The following PROM2 variants were observed in gnomAD, a reference collection of about 807,000 sequenced individuals.
PROM2 encodes prominin-2.
PROM2 carries 90 observed loss-of-function variants against 110.2 expected under a neutral mutation model. That is an observed-to-expected ratio of 0.82 (90% CI 0.69 to 0.97). The LOEUF (loss-of-function observed/expected upper bound fraction) is 0.97, where lower values mean the gene tolerates loss of function less well. PROM2 is among the 50% of genes least tolerant of loss of function. The probability of loss-of-function intolerance (pLI) is 0.00; values close to 1 mark genes in which losing one functional copy is unlikely to be tolerated. For synonymous variants in PROM2, 470 were observed against 467.8 expected (o/e 1.00, Z -0.06); for missense variants, 1,009 against 1,074.8 (o/e 0.94, Z 0.86).
chr2:95,286,745 C>T, intron 17 of PROM2, 59 bp from the exon 18 acceptor site: 1 of 1,411,626 alleles, frequency 7.1e-7, no homozygotes, highest in Non-Finnish European at 9.9e-7. Context: ...ACTTTCCTCC[C>T]CTCTCCTCCC....
In PROM2 at chr2:95,285,078, G is replaced by A. The variant is rs2104133419; in HGVS notation, c.1838G>A (p.Gly613Glu). ...GACCTGGAGGCCCTGCAGAGCAGTGGGCTTCAGCGCATCCACTACCCCGAC... is the reference window on the plus strand; with the variant it reads ...GACCTGGAGGCCCTGCAGAGCAGTGAGCTTCAGCGCATCCACTACCCCGAC... ...RRDLEALQSS[G>E]LQRIHYPDFL... The change falls in exon 15 of 24, where the codon GGG (glycine) becomes GAG (glutamate). Residue 613 changes from glycine (G) to glutamate (E), a missense_variant. Coordinates refer to ENST00000317620, the MANE Select transcript of PROM2 (RefSeq NM_001165978.3). 5 of 1,589,676 alleles carry A rather than the reference G, an allele frequency of 3.1e-6. No individual in the cohort carries two copies. Among genetic ancestry groups the A allele is most frequent in the African/African-American group, 1.3e-5 (1 of 74,662 alleles).
chr2:95,284,689 G>A (rs771036565), intron 14 of PROM2, among the ~76,000 whole-genome samples: 13 of 152,000 alleles, frequency 8.6e-5, no homozygotes, highest in Non-Finnish European at 1.6e-4. Flanking sequence ...AGCCAACGCA[G>A]AGGTGCCACA....
At chr2:95,280,521 C>T (rs756760405) in intron 11 of PROM2, among the ~76,000 whole-genome samples, 10 of 152,224 alleles carry the variant, frequency 6.6e-5, no homozygotes, top group African/African-American at 1.7e-4. Context: ...TCTGCCCTGT[C>T]GGCAGGTCAT....
Position 95,276,486 on chromosome 2 carries a change from C to T in PROM2, c.619-108C>T, listed in dbSNP as rs1156904072. 234 of 1,596,066 alleles carry T rather than the reference C, an allele frequency of 1.5e-4. 2 individuals are homozygous for T. Among genetic ancestry groups the T allele is most frequent in the South Asian group, 6.8e-4 (61 of 90,230 alleles). ...TCTCCCGCCCTTGCCTGAGAGTCGACCACCCTCAGGGTGGATGCCATAGGG... is the reference window on the plus strand; with the variant it reads ...TCTCCCGCCCTTGCCTGAGAGTCGATCACCCTCAGGGTGGATGCCATAGGG... On this transcript the variant is annotated intron_variant, in intron 4 of 23. Transcript: ENST00000317620. The surrounding 1 kb of genome is among the most constrained non-coding windows in gnomAD (Gnocchi z 4.6).
Position 95,277,979 on chromosome 2 carries a change from C to A in PROM2, c.1025C>A (p.Ala342Asp), listed in dbSNP as rs1322568826. The change falls in exon 8 of 24, where the codon GCC (alanine) becomes GAC (aspartate). Residue 342 changes from alanine (A) to aspartate (D), a missense_variant. Ala to Asp is a moderately radical substitution (Grantham distance 126). Coordinates refer to ENST00000317620, the MANE Select transcript of PROM2 (RefSeq NM_001165978.3). ...CACCAGCTAAAAGGTGTCCCCGAGG[C>A]CAACTTCTCCAGCATGGTCCAGGAG... The part of the protein sequence containing the change: ...VLHQLKGVPE[A>D]NFSSMVQEEN... 15 of 1,611,436 alleles carry A rather than the reference C, an allele frequency of 9.3e-6. No homozygotes were observed. The highest frequency in any genetic ancestry group is 1.3e-5 in the Non-Finnish European group (15 of 1,179,182).
In PROM2 at chr2:95,286,633, T is replaced by C. The variant is rs1677374664; in HGVS notation, c.2040+62T>C. 2.7e-6 allele frequency: 4 copies of C among 1,469,032 alleles called. No homozygotes were observed. The South Asian group carries it at 4.6e-5, about 17-fold the overall frequency. The allele number at this position is 1,469,032 out of a possible 1,614,324, so 91.0% of individuals were successfully genotyped here. On this transcript the variant is annotated intron_variant, in intron 17 of 23. Transcript: ENST00000317620. The stretch of plus-strand genomic sequence containing the variant: ...GAGGGGAGACGTGGAGAGGGGACAG[T>C]GAAAGGGGAGGGAAGTTCTGAGAGT...
At chr2:95,278,838 C>T in intron 9 of PROM2, 54 bp downstream of exon 9, 2 of 1,611,528 alleles carry the variant, frequency 1.2e-6, no homozygotes, top group Non-Finnish European at 1.7e-6. Flanking sequence ...CACCCCACCC[C>T]TACCAGGGAG....
intron 20 of PROM2, among the ~76,000 whole-genome samples, 158 bp downstream of exon 20, chr2:95,287,622 G>T (rs1263517737): frequency 1.3e-5 from 2 of 152,006 alleles, no homozygotes; most frequent in Admixed American, 1.3e-4. Context: ...ACCCCTGCTT[G>T]CTGGCTGAGC....
intron 8 of PROM2, 141 bp from the exon 9 acceptor site, chr2:95,278,580 G>A: frequency 1.1e-6 from 1 of 925,530 alleles, no homozygotes; most frequent in East Asian, 2.5e-5. Context: ...GGGGATGGGA[G>A]AGGAGGGCAG....
At chr2:95,289,082 G>T in intron 23 of PROM2, 76 bp downstream of exon 23, 1 of 1,201,688 alleles carries the variant, frequency 8.3e-7, no homozygotes, top group Non-Finnish European at 1.2e-6. Flanking sequence ...CTGGGGTCTG[G>T]GGTTTCCAGG....
intron 10 of PROM2, 138 bp downstream of exon 10, chr2:95,279,282 GT>G: frequency 1.5e-6 from 1 of 671,792 alleles, no homozygotes; most frequent in Non-Finnish European, 2.3e-6. Flanking sequence ...TTGTTTGTTT[GT>G]TTGTTTTTGT....
chr2:95,283,967 G>T (rs1677196418), intron 14 of PROM2, among the ~76,000 whole-genome samples: 1 of 152,212 alleles, frequency 6.6e-6, no homozygotes, highest in African/African-American at 2.4e-5. Flanking sequence ...AGCAACAAGT[G>T]CTTTGAAGGC....
intron 8 of PROM2, chr2:95,278,380 G>A (rs1676805510): frequency 1.9e-6 from 1 of 530,186 alleles, no homozygotes; most frequent in South Asian, 2.2e-5. Context: ...GGCTGGAGTG[G>A]AAGGTTCCAG....
intron 20 of PROM2, 106 bp from the exon 21 acceptor site, chr2:95,288,105 C>G: frequency 9.0e-7 from 1 of 1,117,080 alleles, no homozygotes; most frequent in South Asian, 1.3e-5. Context: ...AATGGTGTCC[C>G]CAGGCCTTTC....
At chr2:95,288,452 G>A (rs901133521) in intron 21 of PROM2, 31 bp from the exon 22 acceptor site, 1 of 1,608,502 alleles carries the variant, frequency 6.2e-7, no homozygotes, top group African/African-American at 1.3e-5. Flanking sequence ...TGCCACGTGG[G>A]TTGGTGAGCC....
rs1456906667 is a variant in PROM2, at chr2:95,280,823, T to C, written c.1428-419T>C. ...CCACCCCCAGCTAATTTTTAAAATT[T>C]TGTAGAGACATGGTCTCACTTATTG... On this transcript the variant is annotated intron_variant, in intron 11 of 23. Coordinates refer to ENST00000317620, the MANE Select transcript of PROM2 (RefSeq NM_001165978.3). Among the ~76,000 whole-genome samples the C allele has an allele frequency of 2.6e-5, 4 of 152,162 alleles. No homozygotes were observed. The East Asian group carries it at 7.7e-4, about 29-fold the overall frequency.
In PROM2 at chr2:95,282,021, G is replaced by A. The variant is rs1333583976; in HGVS notation, c.1643+5G>A. 1.9e-6 allele frequency: 3 copies of A among 1,613,946 alleles called. No individual in the cohort carries two copies. The highest frequency in any genetic ancestry group is 2.5e-6 in the Non-Finnish European group (3 of 1,179,928). ...CAGCATCCACCAAGCCTATCAGTGA[G>A]TGGACAGCCTGGGCAGAGCTGGGAC... is the stretch of plus-strand genomic sequence containing the variant. On this transcript the variant is annotated splice_donor_5th_base_variant and intron_variant, in intron 13 of 23. Transcript: ENST00000317620.
chr2:95,278,240 C>T, intron 8 of PROM2: 1 of 586,954 alleles, frequency 1.7e-6, no homozygotes, highest in Non-Finnish European at 3.0e-6. Flanking sequence ...GAGCAGTGCT[C>T]AGTCTGAGCC....
At chr2:95,287,535 C>T (rs1416616050) in intron 20 of PROM2, 71 bp downstream of exon 20, 11 of 1,504,402 alleles carry the variant, frequency 7.3e-6, no homozygotes, top group South Asian at 5.8e-5. Flanking sequence ...TGCTCTGCCC[C>T]GCCCCCGCCC....
Sources: gnomAD v4.1 joint callset for allele counts (sites outside exome capture counted in the v4.1 genomes callset) on GRCh38, gnomAD v4.1.1 for gene constraint, Gnocchi (gnomAD v3.1) non-coding constraint, MANE v1.5 for transcripts, NCBI Gene and HGNC (gene_info 2026-07-23, HGNC 2026-07-21) for gene names.